Variants in NFIL3 observed in about 807,000 individuals in gnomAD.
NFIL3 encodes nuclear factor interleukin-3-regulated protein.
A neutral mutation model predicts 10.0 loss-of-function variants in NFIL3; 5 were observed. The ratio of observed to expected loss-of-function variants is 0.50; its 90% confidence interval spans 0.26 to 1.06. The LOEUF (loss-of-function observed/expected upper bound fraction) is 1.06. Ranked by LOEUF, NFIL3 falls within the 50% of genes least tolerant of loss-of-function variation. NFIL3 has a pLI of 0.13. For synonymous variants in NFIL3, 202 were observed against 206.5 expected (o/e 0.98, Z 0.19); for missense variants, 436 against 547.6 (o/e 0.80, Z 2.03).
chr9:91,410,299 C>T lies in NFIL3; in HGVS notation c.436G>A (p.Ala146Thr). 6.2e-7 allele frequency: 1 copy of T among 1,614,214 alleles called. No homozygotes were observed. Among genetic ancestry groups the T allele is most frequent in the East Asian group, 2.2e-5 (1 of 44,886 alleles). Residue 146 changes from alanine to threonine, a missense_variant, in exon 2 of 2, where the codon GCT becomes ACT. Ala to Thr is a moderately conservative substitution (Grantham distance 58, BLOSUM62 0). Coordinates refer to ENST00000297689, the MANE Select transcript of NFIL3 (RefSeq NM_005384.3). This position sits in a 1 kb window ranked among gnomAD's most constrained non-coding sequence, Gnocchi z 5.7. ...GTCTGGTAATCTTGAAAGTACACAG[C>T]TGTAGAATTACTGAGTTTCTGAATC... ...QEIQKLSNST[A>T]VYFQDYQTSK...
At chr9:91,428,381 C>T (rs1163851102), upstream of NFIL3, among the ~76,000 whole-genome samples, 1 of 152,168 alleles carries the variant, frequency 6.6e-6, no homozygotes, top group Admixed American at 6.5e-5. Flanking sequence ...CCAGCCACAA[C>T]CTAGACGTTA....
At chr9:91,425,577 A>G (rs753885731), upstream of NFIL3, among the ~76,000 whole-genome samples, 1 of 152,048 alleles carries the variant, frequency 6.6e-6, no homozygotes, top group Non-Finnish European at 1.5e-5. Flanking sequence ...TCCACTACAC[A>G]TTTTCCAAAC....
chr9:91,434,039 AGAT>A, the NFIL3 span, among the ~76,000 whole-genome samples: 1 of 152,206 alleles, frequency 6.6e-6, no homozygotes, highest in Non-Finnish European at 1.5e-5. Flanking sequence ...AGTATTATAA[AGAT>A]GATGATTACC....
the NFIL3 span, among the ~76,000 whole-genome samples, chr9:91,467,401 G>T: frequency 2.6e-5 from 4 of 151,956 alleles, no homozygotes; most frequent in East Asian, 3.9e-4. Context: ...TCACATTTTT[G>T]ATGTCAAAAT....
At chr9:91,461,862 C>T in the NFIL3 span, among the ~76,000 whole-genome samples, 3 of 152,076 alleles carry the variant, frequency 2.0e-5, no homozygotes, top group African/African-American at 7.2e-5. Flanking sequence ...AGAGGAAAGG[C>T]ATCTTATTTA....
At chr9:91,460,261 G>A in the NFIL3 span, among the ~76,000 whole-genome samples, 6 of 98,546 alleles carry the variant, frequency 6.1e-5, no homozygotes, top group South Asian at 1.9e-3. Context: ...TGGGCAAGGA[G>A]GGCTTGGTTC....
At chr9:91,445,749 G>T in the NFIL3 span, among the ~76,000 whole-genome samples, 2 of 152,286 alleles carry the variant, frequency 1.3e-5, no homozygotes, top group East Asian at 1.9e-4. Flanking sequence ...ACTGCCAGAG[G>T]TTTGAGATCC....
chr9:91,419,781 C>G (rs1391237913), intron 1 of NFIL3, among the ~76,000 whole-genome samples: 1 of 152,202 alleles, frequency 6.6e-6, no homozygotes, highest in Non-Finnish European at 1.5e-5. Context: ...CCTATCAGTT[C>G]CAGGCTGTTT....
At chr9:91,426,872 A>G (rs1192039788), upstream of NFIL3, 1 of 152,206 alleles carries the variant, frequency 6.6e-6, no homozygotes, top group Admixed American at 6.5e-5. Context: ...GAGGCCATAT[A>G]TATATCCCAG....
At chr9:91,473,746 C>A in the NFIL3 span, among the ~76,000 whole-genome samples, 2 of 152,216 alleles carry the variant, frequency 1.3e-5, no homozygotes, top group Admixed American at 6.5e-5. Context: ...GTGAGATGAA[C>A]CAGGTACCTC....
At chr9:91,448,119 C>CT in the NFIL3 span, among the ~76,000 whole-genome samples, 3 of 151,870 alleles carry the variant, frequency 2.0e-5, no homozygotes, top group East Asian at 1.9e-4. Context: ...TGTCAAATGT[C>CT]TTTTTTTTCA....
At chr9:91,439,090 T>C in the NFIL3 span, among the ~76,000 whole-genome samples, 1 of 152,212 alleles carries the variant, frequency 6.6e-6, no homozygotes, top group Non-Finnish European at 1.5e-5. Context: ...TTGCATTGAA[T>C]CTGTATATTG....
chr9:91,437,400 T>G, the NFIL3 span, among the ~76,000 whole-genome samples: 2 of 152,206 alleles, frequency 1.3e-5, no homozygotes, highest in Non-Finnish European at 2.9e-5. Flanking sequence ...TCATTTATAC[T>G]TAAGATGTAA....
the NFIL3 span, among the ~76,000 whole-genome samples, chr9:91,451,033 T>A: frequency 6.6e-6 from 1 of 152,180 alleles, no homozygotes; most frequent in African/African-American, 2.4e-5. Context: ...CTAAAACCAT[T>A]TTCCTAGCTC....
the NFIL3 span, among the ~76,000 whole-genome samples, chr9:91,435,156 T>C: frequency 6.6e-6 from 1 of 152,230 alleles, no homozygotes; most frequent in Non-Finnish European, 1.5e-5. Flanking sequence ...AAGTATTTGC[T>C]ATGTCAAGTA....
chr9:91,440,026 C>G, the NFIL3 span, among the ~76,000 whole-genome samples: 22 of 152,144 alleles, frequency 1.4e-4, no homozygotes, highest in Non-Finnish European at 2.9e-5. Flanking sequence ...ATGCTTGCCT[C>G]ATAAAGTATG....
At chr9:91,423,393 A>G (rs1269075445) in intron 1 of NFIL3, among the ~76,000 whole-genome samples, 1 of 152,148 alleles carries the variant, frequency 6.6e-6, no homozygotes, top group Non-Finnish European at 1.5e-5. Context: ...CAAACCAGCC[A>G]GGACTACGTG....
At chr9:91,450,889 G>A in the NFIL3 span, among the ~76,000 whole-genome samples, 1 of 151,890 alleles carries the variant, frequency 6.6e-6, no homozygotes, top group South Asian at 2.1e-4. Flanking sequence ...TGGCTTCCTG[G>A]CTACCAAATT....
At chr9:91,474,595 C>G in the NFIL3 span, among the ~76,000 whole-genome samples, 6 of 152,094 alleles carry the variant, frequency 3.9e-5, no homozygotes, top group Non-Finnish European at 8.8e-5. Flanking sequence ...CTTGTGAGGG[C>G]AGGAGTGATG....
Sources: allele counts gnomAD v4.1 joint callset (sites outside exome capture counted in the v4.1 genomes callset), GRCh38; gene constraint gnomAD v4.1.1; non-coding constraint Gnocchi (gnomAD v3.1); transcripts MANE v1.5; gene names NCBI Gene and HGNC (gene_info 2026-07-23, HGNC 2026-07-21).